The following PSD3 variants were observed in gnomAD, a reference collection of about 807,000 sequenced individuals.
PSD3 encodes the protein pleckstrin and Sec7 domain containing 3, also known as PH and SEC7 domain-containing protein 3.
PSD3 carries 49 observed loss-of-function variants against 105.5 expected under a neutral mutation model. That is an observed-to-expected ratio of 0.46 (90% CI 0.37 to 0.59). The LOEUF (loss-of-function observed/expected upper bound fraction) is 0.59, where lower values mean the gene tolerates loss of function less well. Ranked by LOEUF, PSD3 falls within the 20% of genes least tolerant of loss-of-function variation. PSD3 has a pLI of 0.00. For missense variants in PSD3, 1,561 were observed against 1,263.8 expected, an observed-to-expected ratio of 1.24 and a Z score of -3.57; for synonymous variants, 557 against 457.8, an observed-to-expected ratio of 1.22 and a Z score of -2.77.
At chr8:18,699,535 T>C (rs1563181157) in intron 9 of PSD3, among the ~76,000 whole-genome samples, 1 of 152,170 alleles carries the variant, frequency 6.6e-6, no homozygotes, top group South Asian at 2.1e-4. Context: ...ACTGGGGACT[T>C]ATATTGAATG....
intron 8 of PSD3, among the ~76,000 whole-genome samples, chr8:18,778,039 A>G (rs1808261833): frequency 6.6e-6 from 1 of 152,312 alleles, no homozygotes; most frequent in African/African-American, 2.4e-5. Context: ...TTGTGTATTC[A>G]TAAGTTGATG....
At chr8:18,889,884 C>T (rs917349851) in intron 2 of PSD3, among the ~76,000 whole-genome samples, 2 of 152,008 alleles carry the variant, frequency 1.3e-5, no homozygotes, top group Non-Finnish European at 2.9e-5. Flanking sequence ...TTTCCAGACT[C>T]GAAAGTCACT....
rs73579992 is a variant in PSD3, at chr8:18,583,222, T to C, written c.2482-7937A>G. 9.3e-3 allele frequency among the ~76,000 whole-genome samples: 1,416 copies of C among 152,180 alleles called. 19 individuals are homozygous for C. Among genetic ancestry groups the C allele is most frequent in the African/African-American group, 0.033 (1,378 of 41,542 alleles). On this transcript the variant is annotated intron_variant, in intron 12 of 15. Coordinates refer to ENST00000327040, the MANE Select transcript of PSD3 (RefSeq NM_015310.4). ...GGGAGGTCAAGGCAGGAGGATCGCT[T>C]AAGTTGAGGAATTCAAGACCAGCCT...
intron 4 of PSD3, among the ~76,000 whole-genome samples, chr8:18,832,638 C>T (rs563245983): frequency 1.4e-4 from 22 of 152,276 alleles, no homozygotes; most frequent in Admixed American, 1.0e-3. Flanking sequence ...TCTCACAGCG[C>T]TAATAAAGAC....
intron 14 of PSD3, among the ~76,000 whole-genome samples, chr8:18,562,846 G>A (rs1020028263): frequency 1.3e-5 from 2 of 151,974 alleles, no homozygotes; most frequent in Non-Finnish European, 2.9e-5. Flanking sequence ...CCGAGATCAT[G>A]CCACTGCACT....
At chr8:18,637,253 T>A (rs1482437543) in intron 10 of PSD3, among the ~76,000 whole-genome samples, 1 of 152,224 alleles carries the variant, frequency 6.6e-6, no homozygotes. Context: ...CTCATCACAA[T>A]GGTTAGGTGA....
chr8:18,775,313 C>T (rs912662980), intron 8 of PSD3, among the ~76,000 whole-genome samples: 19 of 152,124 alleles, frequency 1.2e-4, no homozygotes, highest in African/African-American at 4.3e-4. Flanking sequence ...AATAGTACTA[C>T]AATAAACATG....
intron 9 of PSD3, among the ~76,000 whole-genome samples, chr8:18,705,659 A>G (rs1801852701): frequency 6.6e-6 from 1 of 152,130 alleles, no homozygotes; most frequent in African/African-American, 2.4e-5. Flanking sequence ...TAGTATATTA[A>G]TAGGTAAAAA....
chr8:18,533,514 C>G lies in PSD3; in HGVS notation c.*2229G>C, dbSNP rs1799712231. 6.6e-6 allele frequency: 1 copy of G among 152,154 alleles called. No individual in the cohort carries two copies. Among genetic ancestry groups the G allele is most frequent in the Non-Finnish European group, 1.5e-5 (1 of 68,050 alleles). The allele number at this position is 152,154 out of a possible 1,614,324, so 9.4% of individuals were successfully genotyped here. On this transcript the variant is annotated 3_prime_UTR_variant, in exon 16 of 16. Coordinates refer to ENST00000327040, the MANE Select transcript of PSD3 (RefSeq NM_015310.4). ...GCTAGCCGAGTATTTCAACACTACT[C>G]TAAATGTCAGAAATACTGTAGCAAG...
At chr8:18,632,096 A>G (rs1246017496) in intron 11 of PSD3, among the ~76,000 whole-genome samples, 1 of 152,090 alleles carries the variant, frequency 6.6e-6, no homozygotes, top group Non-Finnish European at 1.5e-5. Context: ...AAAACTAATT[A>G]TACTATGCTC....
rs114810570 is a variant in PSD3 at position 18,866,377 on chromosome 8, C to G, written c.1634+1297G>C. ...CAGGCAACCAGTTCATATGCACACACTTACCCAGGCTCTGCTTTGTACCAT... is the reference window on the plus strand; with the variant it reads ...CAGGCAACCAGTTCATATGCACACAGTTACCCAGGCTCTGCTTTGTACCAT... On this transcript the variant is annotated intron_variant, in intron 4 of 15. Coordinates refer to ENST00000327040, the MANE Select transcript of PSD3 (RefSeq NM_015310.4). Among the ~76,000 whole-genome samples the G allele has an allele frequency of 3.3e-3, 505 of 152,322 alleles. 4 individuals carry two copies. Among genetic ancestry groups the G allele is most frequent in the African/African-American group, 0.012 (495 of 41,574 alleles).
At chr8:18,973,475 G>A (rs979261779) in intron 1 of PSD3, among the ~76,000 whole-genome samples, 3 of 152,100 alleles carry the variant, frequency 2.0e-5, no homozygotes, top group South Asian at 4.1e-4. Flanking sequence ...TCTTTCCTGT[G>A]TGTATACACT....
At chr8:18,930,052 G>A (rs1022231928) in intron 2 of PSD3, among the ~76,000 whole-genome samples, 2 of 152,108 alleles carry the variant, frequency 1.3e-5, no homozygotes, top group African/African-American at 2.4e-5. Context: ...TATCTAATAG[G>A]AACTGCAGAA....
intron 1 of PSD3, among the ~76,000 whole-genome samples, chr8:19,037,104 C>T (rs1412472644): frequency 2.6e-5 from 4 of 152,186 alleles, no homozygotes; most frequent in Admixed American, 6.5e-5. Flanking sequence ...TGCCAGGTAA[C>T]GTATTTGTGG....
At chr8:18,681,907 C>T (rs1410087689) in intron 9 of PSD3, among the ~76,000 whole-genome samples, 1 of 152,028 alleles carries the variant, frequency 6.6e-6, no homozygotes, top group African/African-American at 2.4e-5. Context: ...CTCTTAAAAA[C>T]CGACTATAAT....
chr8:18,838,873 C>T (rs556908922), intron 4 of PSD3, among the ~76,000 whole-genome samples: 169 of 150,656 alleles, frequency 1.1e-3, no homozygotes, highest in Non-Finnish European at 2.2e-3. Context: ...AGTAAGACTT[C>T]AGTGGCTCAC....
Position 18,966,660 on chromosome 8 carries a change from G to T in PSD3, c.22-30518C>A, listed in dbSNP as rs574553914. Among the ~76,000 whole-genome samples the T allele has an allele frequency of 5.1e-4, 77 of 151,682 alleles. No homozygotes were observed. In the South Asian group the frequency reaches 0.016, roughly 31 times the overall value. On this transcript the variant is annotated intron_variant, in intron 1 of 15. Transcript: ENST00000327040. ...TGGCTTCCAGTTATGCCCTACAACTGTTCTTCTCAAACAGGGGACTCCTCA... is the reference window on the plus strand; with the variant it reads ...TGGCTTCCAGTTATGCCCTACAACTTTTCTTCTCAAACAGGGGACTCCTCA...
chr8:18,775,595 A>G (rs1807981352), intron 8 of PSD3, among the ~76,000 whole-genome samples: 1 of 152,200 alleles, frequency 6.6e-6, no homozygotes, highest in Admixed American at 6.5e-5. Flanking sequence ...AACACTGAAC[A>G]TCTATTCATG....
At chr8:18,879,056 A>G (rs1817923145) in intron 2 of PSD3, among the ~76,000 whole-genome samples, 1 of 142,608 alleles carries the variant, frequency 7.0e-6, no homozygotes, top group East Asian at 2.0e-4. Flanking sequence ...ACACAAACAC[A>G]CACACACACA....
Sources: allele counts gnomAD v4.1 joint callset (sites outside exome capture counted in the v4.1 genomes callset), GRCh38; gene constraint gnomAD v4.1.1; transcripts MANE v1.5; gene names NCBI Gene and HGNC (gene_info 2026-07-23, HGNC 2026-07-21).